ARHGEF28: variants seen among roughly 807,000 people sequenced by gnomAD.
ARHGEF28 encodes 190 kDa guanine nucleotide exchange factor.
A neutral mutation model predicts 206.6 loss-of-function variants in ARHGEF28; 152 were observed. That is an observed-to-expected ratio of 0.74 (90% CI 0.64 to 0.84). ARHGEF28 has a LOEUF of 0.84. ARHGEF28 is among the 40% of genes least tolerant of loss of function. The pLI, the probability that ARHGEF28 is intolerant of heterozygous loss-of-function variation, is 0.00. For missense variants in ARHGEF28, 2,028 were observed against 2,073.2 expected, an observed-to-expected ratio of 0.98 and a Z score of 0.42; for synonymous variants, 763 against 776.4, an observed-to-expected ratio of 0.98 and a Z score of 0.29.
At chr5:73,678,866 T>C (rs1402575914) in intron 1 of ARHGEF28, among the ~76,000 whole-genome samples, 10 of 152,166 alleles carry the variant, frequency 6.6e-5, no homozygotes, top group Admixed American at 5.9e-4. Context: ...TTATAAATCA[T>C]ATTACTGTAA....
chr5:73,934,250 T>A (rs1166577016), intron 35 of ARHGEF28, among the ~76,000 whole-genome samples: 2 of 152,222 alleles, frequency 1.3e-5, no homozygotes, highest in Non-Finnish European at 2.9e-5. Flanking sequence ...TCCTGTAAAT[T>A]GGTAACTGGG....
chr5:73,776,522 G>A lies in ARHGEF28; in HGVS notation c.666G>A (p.Gln222=). ...SKLVEDVTNF[Q]GRWSPSFSRV... ...TTGATTTGTGTTGTTTCAGTTTTCA[G>A]GGCAGATGGTCCCCAAGCTTCTCCC... The change falls in exon 6 of 36, where the codon CAG becomes CAA. Residue 222 remains glutamine, a synonymous_variant. Coordinates refer to ENST00000513042, the MANE Select transcript of ARHGEF28 (RefSeq NM_001177693.2). The A allele has an allele frequency of 6.2e-7, 1 of 1,610,294 alleles. No homozygotes were observed. Among genetic ancestry groups the A allele is most frequent in the South Asian group, 1.1e-5 (1 of 90,470 alleles).
intron 9 of ARHGEF28, among the ~76,000 whole-genome samples, chr5:73,804,805 G>A (rs1580641136): frequency 2.6e-5 from 4 of 152,144 alleles, no homozygotes; most frequent in African/African-American, 7.2e-5. Flanking sequence ...TACTATCAAT[G>A]TTCATTGTCA....
chr5:73,717,047 C>T (rs1421600211), intron 2 of ARHGEF28, among the ~76,000 whole-genome samples: 1 of 152,076 alleles, frequency 6.6e-6, no homozygotes, highest in Non-Finnish European at 1.5e-5. Flanking sequence ...TGACCTTAGA[C>T]AATTTCTTGA....
chr5:73,800,828 T>C (rs150400873), intron 9 of ARHGEF28, among the ~76,000 whole-genome samples: 159 of 151,710 alleles, frequency 1.0e-3, no homozygotes, highest in Admixed American at 6.8e-3. Flanking sequence ...AGGAAAAACA[T>C]TGGGAAAAGG....
At chr5:73,897,468 T>C (rs962948438) in intron 29 of ARHGEF28, among the ~76,000 whole-genome samples, 1 of 152,244 alleles carries the variant, frequency 6.6e-6, no homozygotes, top group African/African-American at 2.4e-5. Flanking sequence ...TTTCTAAAGA[T>C]AAGTGTAGGG....
chr5:73,876,798 T>A (rs2112652947), intron 22 of ARHGEF28, among the ~76,000 whole-genome samples: 1 of 151,000 alleles, frequency 6.6e-6, no homozygotes, highest in Non-Finnish European at 1.5e-5. Context: ...ATAAGCTTTT[T>A]GATGTGCTGC....
At chr5:73,751,003 G>T (rs1295703515) in intron 3 of ARHGEF28, among the ~76,000 whole-genome samples, 1 of 152,194 alleles carries the variant, frequency 6.6e-6, no homozygotes, top group Non-Finnish European at 1.5e-5. Context: ...GCTCTACCTG[G>T]TCTTGGTCAC....
At chr5:73,835,810 G>A (rs1318267291) in intron 10 of ARHGEF28, among the ~76,000 whole-genome samples, 1 of 152,036 alleles carries the variant, frequency 6.6e-6, no homozygotes, top group Non-Finnish European at 1.5e-5. Flanking sequence ...AGTCTTGTGG[G>A]ACTGAGCCCT....
chr5:73,634,074 C>A (rs1024063928), intron 1 of ARHGEF28, among the ~76,000 whole-genome samples: 1 of 151,798 alleles, frequency 6.6e-6, no homozygotes, highest in Non-Finnish European at 1.5e-5. Context: ...TTTTCCTAGT[C>A]TTTTAGAGTG....
At chr5:73,929,929 GT>G (rs1161761106) in intron 35 of ARHGEF28, among the ~76,000 whole-genome samples, 1 of 151,602 alleles carries the variant, frequency 6.6e-6, no homozygotes, top group Non-Finnish European at 1.5e-5. Context: ...CTGCAACTTG[GT>G]TTTTTTCATA....
At chr5:73,840,222 C>T (rs1427552468) in intron 10 of ARHGEF28, among the ~76,000 whole-genome samples, 2 of 152,148 alleles carry the variant, frequency 1.3e-5, no homozygotes, top group Non-Finnish European at 2.9e-5. Flanking sequence ...TCAGGCCATT[C>T]TCCTGCTTCA....
intron 29 of ARHGEF28, among the ~76,000 whole-genome samples, chr5:73,895,516 G>A (rs1761912724): frequency 6.6e-6 from 1 of 152,206 alleles, no homozygotes. Context: ...GCAGAAAGGA[G>A]TTGAAGGGAG....
At chr5:73,663,705 C>G (rs1580455630) in intron 1 of ARHGEF28, among the ~76,000 whole-genome samples, 1 of 152,142 alleles carries the variant, frequency 6.6e-6, no homozygotes, top group East Asian at 1.9e-4. Context: ...TCTTCATGCC[C>G]TTTGTAATAT....
chr5:73,733,235 C>A (rs1159987912), intron 2 of ARHGEF28, among the ~76,000 whole-genome samples: 1 of 152,104 alleles, frequency 6.6e-6, no homozygotes, highest in East Asian at 1.9e-4. Flanking sequence ...AGTAGTTTAA[C>A]AATGAAAAAT....
At chr5:73,785,540 T>C (rs531425048) in intron 7 of ARHGEF28, among the ~76,000 whole-genome samples, 2 of 152,316 alleles carry the variant, frequency 1.3e-5, no homozygotes, top group East Asian at 3.9e-4. Flanking sequence ...AGATCATTCA[T>C]GCCTCCCTCG....
intron 1 of ARHGEF28, among the ~76,000 whole-genome samples, chr5:73,637,027 C>T (rs1743760267): frequency 6.6e-6 from 1 of 152,202 alleles, no homozygotes; most frequent in African/African-American, 2.4e-5. Flanking sequence ...CCTGTCATGG[C>T]AGCTCATGTT....
chr5:73,792,568 A>T (rs1754542655), intron 7 of ARHGEF28, among the ~76,000 whole-genome samples: 1 of 152,144 alleles, frequency 6.6e-6, no homozygotes, highest in Non-Finnish European at 1.5e-5. Context: ...AAAACAGGCA[A>T]AGTAAAAGGG....
chr5:73,636,919 C>G (rs559352416), intron 1 of ARHGEF28, among the ~76,000 whole-genome samples: 1 of 152,222 alleles, frequency 6.6e-6, no homozygotes, highest in East Asian at 1.9e-4. Flanking sequence ...AGACACTTGA[C>G]TGGCAACATC....
Sources: gnomAD v4.1 joint callset for allele counts (sites outside exome capture counted in the v4.1 genomes callset) on GRCh38, gnomAD v4.1.1 for gene constraint, MANE v1.5 for transcripts, NCBI Gene and HGNC (gene_info 2026-07-23, HGNC 2026-07-21) for gene names.